The following SPIN1 variants were observed in gnomAD, a reference collection of about 807,000 sequenced individuals.
SPIN1 encodes the protein spindlin-1.
In SPIN1, 3 loss-of-function variants were observed where a neutral mutation model predicts 26.0. That is an observed-to-expected ratio of 0.12 (90% CI 0.05 to 0.30). The LOEUF (loss-of-function observed/expected upper bound fraction) is 0.30. SPIN1 is among the 10% of genes least tolerant of loss of function. SPIN1 has a pLI of 1.00. For missense variants in SPIN1, 126 were observed against 333.4 expected, an observed-to-expected ratio of 0.38 and a Z score of 4.84; for synonymous variants, 101 against 116.5, an observed-to-expected ratio of 0.87 and a Z score of 0.86.
rs1299050897 is a variant in SPIN1 at position 88,477,620 on chromosome 9, C to T, written c.*2343C>T. On this transcript the variant is annotated 3_prime_UTR_variant, in exon 6 of 6. Coordinates refer to ENST00000375859, the MANE Select transcript of SPIN1 (RefSeq NM_006717.3). ...ACATGTAATGACGCTATGACTAATT[C>T]TGCTCCCAAGCCCTTGTATCTTGGG... The T allele has an allele frequency of 6.6e-6, 1 of 152,426 alleles. No homozygotes were observed. Among genetic ancestry groups the T allele is most frequent in the Non-Finnish European group, 1.5e-5 (1 of 68,024 alleles). 9.4% of individuals were successfully genotyped at this position (152,426 alleles called of 1,614,324 possible). A position where few individuals can be genotyped will look rare whatever the true frequency, so the allele number is the denominator to read the frequency against.
At chr9:88,394,581 A>T (rs1022314411) in intron 1 of SPIN1, among the ~76,000 whole-genome samples, 1 of 152,186 alleles carries the variant, frequency 6.6e-6, no homozygotes, top group Non-Finnish European at 1.5e-5. Flanking sequence ...GCATTATCTT[A>T]CAGTATAAAT....
At chr9:88,422,050 T>G (rs988756544) in intron 1 of SPIN1, among the ~76,000 whole-genome samples, 9 of 152,154 alleles carry the variant, frequency 5.9e-5, no homozygotes. Flanking sequence ...TAGTGAAGGG[T>G]CAAGATTGCT....
At chr9:88,460,802 A>AT (rs1828564168) in intron 3 of SPIN1, among the ~76,000 whole-genome samples, 1 of 152,196 alleles carries the variant, frequency 6.6e-6, no homozygotes, top group South Asian at 2.1e-4. Context: ...CAGTCTGCTG[A>AT]TTCAGATGCA....
At chr9:88,452,796 G>A (rs913303382) in intron 3 of SPIN1, among the ~76,000 whole-genome samples, 1 of 152,082 alleles carries the variant, frequency 6.6e-6, no homozygotes, top group Non-Finnish European at 1.5e-5. Context: ...TTTCTGGTTT[G>A]CATCTTGCAA....
chr9:88,413,297 ATC>A (rs1250267015), intron 1 of SPIN1, among the ~76,000 whole-genome samples: 2 of 151,618 alleles, frequency 1.3e-5, no homozygotes, highest in Non-Finnish European at 2.9e-5. Flanking sequence ...ACATCAGGTG[ATC>A]TGCCTGCCTT....
intron 2 of SPIN1, among the ~76,000 whole-genome samples, chr9:88,440,396 C>T (rs1364236939): frequency 3.3e-5 from 5 of 152,202 alleles, no homozygotes; most frequent in Non-Finnish European, 7.3e-5. Context: ...TGAGCTCAAG[C>T]GATCCGTCCA....
intron 1 of SPIN1, among the ~76,000 whole-genome samples, chr9:88,412,962 G>A (rs909916488): frequency 4.0e-5 from 6 of 151,704 alleles, no homozygotes; most frequent in East Asian, 2.0e-4. Context: ...GATTACAGGC[G>A]TGAGCCACCG....
At chr9:88,408,981 T>G (rs867938109) in intron 1 of SPIN1, among the ~76,000 whole-genome samples, 243 of 136,674 alleles carry the variant, frequency 1.8e-3, no homozygotes, top group Non-Finnish European at 2.3e-3. Context: ...TTGTGTGTGT[T>G]TGTGTGTGTG....
chr9:88,439,728 A>G (rs1391458644), intron 2 of SPIN1, among the ~76,000 whole-genome samples: 1 of 152,174 alleles, frequency 6.6e-6, no homozygotes, highest in African/African-American at 2.4e-5. Flanking sequence ...TATTTTATGT[A>G]ATGCCCCCCT....
intron 2 of SPIN1, among the ~76,000 whole-genome samples, chr9:88,427,565 C>G (rs1827787232): frequency 6.6e-6 from 1 of 151,896 alleles, no homozygotes; most frequent in Non-Finnish European, 1.5e-5. Flanking sequence ...CTTAGTTTTT[C>G]TCATCTAAAA....
At position 88,393,796 on chromosome 9, in the gene SPIN1, T is replaced by C. The variant is rs138106287; in HGVS notation, c.-159+5258T>C. On this transcript the variant is annotated intron_variant, in intron 1 of 5. Coordinates refer to ENST00000375859, the MANE Select transcript of SPIN1 (RefSeq NM_006717.3). ...GAGGGGTTTGAATTACTTTTTTCTTTCTCTCTTTAGCATCATTGTAGACCC... is the reference window on the plus strand; with the variant it reads ...GAGGGGTTTGAATTACTTTTTTCTTCCTCTCTTTAGCATCATTGTAGACCC... 4.9e-4 allele frequency among the ~76,000 whole-genome samples: 75 copies of C among 152,068 alleles called. No homozygotes were observed. The East Asian group carries it at 0.014, about 28-fold the overall frequency.
chr9:88,419,176 C>T (rs984014346), intron 1 of SPIN1, among the ~76,000 whole-genome samples: 9 of 152,078 alleles, frequency 5.9e-5, no homozygotes, highest in Admixed American at 2.6e-4. Context: ...GCAGCCTTTC[C>T]TACCCTCATT....
chr9:88,458,453 C>T (rs1318036227), intron 3 of SPIN1, among the ~76,000 whole-genome samples: 1 of 152,118 alleles, frequency 6.6e-6, no homozygotes, highest in African/African-American at 2.4e-5. Context: ...AGGGAGGAGA[C>T]CTTATTTGCT....
At chr9:88,393,883 TG>T (rs1826992770) in intron 1 of SPIN1, among the ~76,000 whole-genome samples, 1 of 152,054 alleles carries the variant, frequency 6.6e-6, no homozygotes, top group Non-Finnish European at 1.5e-5. Context: ...AGTCTTGCTC[TG>T]TCACCCAGGC....
At chr9:88,402,087 G>T (rs998261244) in intron 1 of SPIN1, among the ~76,000 whole-genome samples, 8 of 152,108 alleles carry the variant, frequency 5.3e-5, no homozygotes, top group Admixed American at 3.9e-4. Context: ...TGCCTCCTGG[G>T]TTCAAGCAAT....
At chr9:88,427,578 AC>A (rs529481060) in intron 2 of SPIN1, among the ~76,000 whole-genome samples, 194 of 152,036 alleles carry the variant, frequency 1.3e-3, no homozygotes, top group East Asian at 4.4e-3. Flanking sequence ...ATCTAAAAAA[AC>A]GGGACTTTTT....
chr9:88,415,147 G>A (rs1047995377), intron 1 of SPIN1, among the ~76,000 whole-genome samples: 10 of 151,904 alleles, frequency 6.6e-5, no homozygotes, highest in Admixed American at 2.0e-4. Context: ...CTTGTGATCC[G>A]CCCGCCTCAG....
intron 1 of SPIN1, among the ~76,000 whole-genome samples, chr9:88,390,846 T>A (rs558512279): frequency 6.7e-4 from 102 of 152,266 alleles, no homozygotes; most frequent in African/African-American, 1.9e-3. Flanking sequence ...AGCCTTTTTT[T>A]AAAAAAAGTT....
chr9:88,473,372 G>A (rs1160149819), intron 5 of SPIN1, among the ~76,000 whole-genome samples: 4 of 148,600 alleles, frequency 2.7e-5, no homozygotes. Context: ...CAGCCTGGGC[G>A]AGAAGAGCAA....
Sources: gnomAD v4.1 joint callset for allele counts (sites outside exome capture counted in the v4.1 genomes callset) on GRCh38, gnomAD v4.1.1 for gene constraint, MANE v1.5 for transcripts, NCBI Gene and HGNC (gene_info 2026-07-23, HGNC 2026-07-21) for gene names.